Variants in TGM7 observed in about 807,000 individuals in gnomAD.
The protein encoded by TGM7 is transglutaminase 7, also known as protein-glutamine gamma-glutamyltransferase Z.
In TGM7, 74 loss-of-function variants were observed where a neutral mutation model predicts 79.5. That is an observed-to-expected ratio of 0.93 (90% CI 0.77 to 1.13). The LOEUF (loss-of-function observed/expected upper bound fraction) is 1.13, where lower values mean the gene tolerates loss of function less well. Among genes scored for constraint, TGM7 ranks in the 50% most tolerant of loss-of-function variants. The probability of loss-of-function intolerance (pLI) is 0.00; values close to 1 mark genes in which losing one functional copy is unlikely to be tolerated. For synonymous variants in TGM7, 354 were observed against 362.5 expected (o/e 0.98, Z 0.27); for missense variants, 912 against 905.9 (o/e 1.01, Z -0.09).
At chr15:43,276,668 G>A in intron 12 of TGM7, 54 bp from the exon 13 acceptor site, 2 of 1,579,756 alleles carry the variant, frequency 1.3e-6, no homozygotes, top group Non-Finnish European at 1.7e-6. Flanking sequence ...CTGGCGGCAG[G>A]GGTGATCTGG....
intron 10 of TGM7, 42 bp downstream of exon 10, chr15:43,279,583 C>G: frequency 6.5e-7 from 1 of 1,529,062 alleles, no homozygotes; most frequent in South Asian, 1.3e-5. Context: ...ACCCACAGCT[C>G]CCCTCCCTGT....
intron 1 of TGM7, among the ~76,000 whole-genome samples, chr15:43,295,187 T>A (rs2042986357): frequency 2.0e-5 from 3 of 152,262 alleles, no homozygotes; most frequent in Admixed American, 1.3e-4. Flanking sequence ...TGTCTTCCAG[T>A]CTTCATCTAA....
intron 12 of TGM7, 117 bp downstream of exon 12, chr15:43,276,745 G>A: frequency 6.5e-7 from 1 of 1,539,922 alleles, no homozygotes; most frequent in Non-Finnish European, 8.8e-7. Context: ...TCCTGAGGAG[G>A]GTGAGAAAGT....
rs1017634211 is a variant in TGM7, at chr15:43,276,468, G to C, written c.2120C>G (p.Ala707Gly). Residue 707 changes from alanine (A) to glycine (G), a missense_variant, in exon 13 of 13, where the codon GCT becomes GGT. Coordinates refer to ENST00000452443, the MANE Select transcript of TGM7 (RefSeq NM_052955.3). ...GGAGGGCGGGTCTCAGGGAGCCCCAGCCACAGTGACGAAGATGTCCTTGTA... is the reference window on the plus strand; with the variant it reads ...GGAGGGCGGGTCTCAGGGAGCCCCACCCACAGTGACGAAGATGTCCTTGTA... ...KGYKDIFVTV[A>G]GAP is the part of the protein sequence containing the mutation. 1 of 1,613,366 alleles carries C rather than the reference G, an allele frequency of 6.2e-7. No individual in the cohort carries two copies. The highest frequency in any genetic ancestry group is 2.2e-5 in the East Asian group (1 of 44,864).
intron 1 of TGM7, among the ~76,000 whole-genome samples, chr15:43,299,239 A>T (rs1360743443): frequency 6.6e-6 from 1 of 152,192 alleles, no homozygotes; most frequent in Non-Finnish European, 1.5e-5. Context: ...GCAGGATCAA[A>T]GCTGAACTTT....
At chr15:43,297,813 C>T (rs1377998008) in intron 1 of TGM7, among the ~76,000 whole-genome samples, 1 of 152,166 alleles carries the variant, frequency 6.6e-6, no homozygotes, top group Non-Finnish European at 1.5e-5. Context: ...CTTTGGCCAC[C>T]AAGCATGATG....
chr15:43,288,303 T>C (rs754541983), intron 4 of TGM7, among the ~76,000 whole-genome samples: 1 of 152,092 alleles, frequency 6.6e-6, no homozygotes, highest in African/African-American at 2.4e-5. Context: ...GGTTGGAGAA[T>C]GGGGAAAACG....
chr15:43,298,488 G>T lies in TGM7; in HGVS notation c.10+3753C>A, dbSNP rs1300852998. On this transcript the variant is annotated intron_variant, in intron 1 of 12. Transcript: ENST00000452443. ...ATAAAAGAAAACGGCCAGGCGCGGTGGCTCACGCCTGTAATCCCAGCACTT... is the reference window on the plus strand; with the variant it reads ...ATAAAAGAAAACGGCCAGGCGCGGTTGCTCACGCCTGTAATCCCAGCACTT... Among the ~76,000 whole-genome samples, 21 of 152,302 alleles carry T rather than the reference G, an allele frequency of 1.4e-4. No homozygotes were observed. In the East Asian group the frequency reaches 4.1e-3, roughly 29 times the overall value.
chr15:43,291,772 A>C (rs1238389169), intron 4 of TGM7, among the ~76,000 whole-genome samples: 2 of 152,184 alleles, frequency 1.3e-5, no homozygotes, highest in African/African-American at 4.8e-5. Context: ...TTCATAATAA[A>C]ATGTTAAAAA....
rs1411488542 is a variant in TGM7 at position 43,279,159 on chromosome 15, G to A, written c.1797C>T (p.Val599=). ...EVEETGRSML[V]LKDICLEPPH... ...GAGGCTCCAGACAGATATCTTTTAG[G>A]ACCAGCATGGACCTCCCTGTCTCTT... The change falls in exon 11 of 13, where the codon GTC becomes GTT. Residue 599 remains valine, a synonymous_variant. Coordinates refer to ENST00000452443, the MANE Select transcript of TGM7 (RefSeq NM_052955.3). 6 of 1,613,974 alleles carry A rather than the reference G, an allele frequency of 3.7e-6. No homozygotes were observed. The highest frequency in any genetic ancestry group is 2.7e-5 in the African/African-American group (2 of 74,914).
intron 1 of TGM7, 77 bp downstream of exon 1, chr15:43,302,164 A>C: frequency 6.4e-7 from 1 of 1,560,498 alleles, no homozygotes. Context: ...GCTTCCCTAC[A>C]TCCTCTACCC....
At chr15:43,279,016 T>G in intron 11 of TGM7, 101 bp downstream of exon 11, 1 of 1,275,378 alleles carries the variant, frequency 7.8e-7, no homozygotes, top group Non-Finnish European at 1.1e-6. Flanking sequence ...GCCATCGGTG[T>G]GGTGAGAGGT....
intron 10 of TGM7, 145 bp from the exon 11 acceptor site, chr15:43,279,422 A>T: frequency 8.7e-7 from 1 of 1,148,904 alleles, no homozygotes; most frequent in Non-Finnish European, 1.2e-6. Context: ...CCCACCACGC[A>T]CACACTGTCC....
Position 43,287,660 on chromosome 15 carries a change from C to T in TGM7, c.568G>A (p.Asp190Asn). Residue 190 changes from aspartate to asparagine, a missense_variant, in exon 5 of 13, where the codon GAC (aspartate) becomes AAC (asparagine). By Grantham distance (23) the Asp-to-Asn change is conservative. Transcript: ENST00000452443. ...ATCTCAAAGCAGATGTCTATGATGT[C>T]CTCTTCAAACTTCCAAGTGATTTTA... is the stretch of plus-strand genomic sequence containing the variant. ...WPWNYGQFEE[D>N]IIDICFEILN... 1 of 1,608,810 alleles carries T rather than the reference C, an allele frequency of 6.2e-7. No homozygotes were observed. Among genetic ancestry groups the T allele is most frequent in the Non-Finnish European group, 8.5e-7 (1 of 1,178,710 alleles).
intron 1 of TGM7, among the ~76,000 whole-genome samples, chr15:43,298,992 CAA>C (rs970510415): frequency 1.5e-5 from 2 of 131,220 alleles, no homozygotes; most frequent in Non-Finnish European, 1.6e-5. Context: ...CAATAGCAGC[CAA>C]AAAAAAAAGG....
At position 43,293,536 on chromosome 15, in the gene TGM7, GCA is replaced by G; in HGVS notation, c.104_105del (p.Val35AlafsTer28). On this transcript the variant is annotated frameshift_variant, in exon 2 of 13. Transcript: ENST00000452443. LOFTEE classifies it high-confidence loss of function. ...TQEMGVKRLT[V>X]RRGQPFYLRL... ...CGGAGGTAGAAGGGCTGGCCGCGGC[GCA>G]CAGTGAGCCGCTTGACGCCCATCTC... 6.2e-7 allele frequency: 1 copy of G among 1,609,432 alleles called. No homozygotes were observed. Among genetic ancestry groups the G allele is most frequent in the Non-Finnish European group, 8.5e-7 (1 of 1,178,326 alleles).
intron 8 of TGM7, 62 bp from the exon 9 acceptor site, chr15:43,282,148 T>G (rs1596460275): frequency 1.3e-6 from 2 of 1,593,410 alleles, no homozygotes; most frequent in South Asian, 2.2e-5. Flanking sequence ...CTGTGGGAGG[T>G]GGAGATGGGA....
Position 43,292,956 on chromosome 15 carries a change from T to C in TGM7, c.194-2A>G. Reference sequence around the variant, plus strand: ...CCAGCAGCTCTGACGGCTTGGGTCCTGTGTAGGAGAGAATGACCCCACAGT... The same window carrying C: ...CCAGCAGCTCTGACGGCTTGGGTCCCGTGTAGGAGAGAATGACCCCACAGT... On this transcript the variant is annotated splice_acceptor_variant, in intron 2 of 12. Transcript: ENST00000452443. LOFTEE classifies it high-confidence loss of function. 6.2e-7 allele frequency: 1 copy of C among 1,612,856 alleles called. No homozygotes were observed. The highest frequency in any genetic ancestry group is 2.2e-5 in the East Asian group (1 of 44,874).
Position 43,279,619 on chromosome 15 carries a change from A to T in TGM7, c.1678+6T>A, listed in dbSNP as rs537739691. The T allele has an allele frequency of 5.1e-6, 8 of 1,572,690 alleles. No homozygotes were observed. The highest frequency in any genetic ancestry group is 3.6e-5 in the Admixed American group (2 of 56,008). ...AGGTGCCTTCTCAGGCCTGCCTCAC[A>T]CTCACCCTTCCCAAAGTCCAGGTTC... On this transcript the variant is annotated splice_donor_region_variant and intron_variant, in intron 10 of 12. Coordinates refer to ENST00000452443, the MANE Select transcript of TGM7 (RefSeq NM_052955.3).
Sources: gnomAD v4.1 joint callset for allele counts (sites outside exome capture counted in the v4.1 genomes callset) on GRCh38, gnomAD v4.1.1 for gene constraint, MANE v1.5 for transcripts, NCBI Gene and HGNC (gene_info 2026-07-23, HGNC 2026-07-21) for gene names.